PPME1: variants seen among roughly 807,000 people sequenced by gnomAD.
PPME1 encodes the protein testicular secretory protein Li 39.
A neutral mutation model predicts 56.9 loss-of-function variants in PPME1; 17 were observed. The observed-to-expected ratio is 0.30, with a 90% CI of 0.20 to 0.45. The LOEUF (loss-of-function observed/expected upper bound fraction) is 0.45, where lower values mean the gene tolerates loss of function less well. PPME1 is among the 20% of genes least tolerant of loss of function. The pLI is 1.00. For missense variants in PPME1, 357 were observed against 483.2 expected (o/e 0.74, Z 2.45); for synonymous variants, 122 against 156.2 (o/e 0.78, Z 1.63).
chr11:74,185,396 T>C (rs1474180244), intron 1 of PPME1, among the ~76,000 whole-genome samples: 1 of 152,134 alleles, frequency 6.6e-6, no homozygotes, highest in East Asian at 1.9e-4. Flanking sequence ...TTAGAGGCTT[T>C]TATATGAACC....
At chr11:74,172,071 A>G (rs1429111062) in intron 1 of PPME1, among the ~76,000 whole-genome samples, 3 of 152,252 alleles carry the variant, frequency 2.0e-5, no homozygotes, top group South Asian at 4.1e-4. Context: ...AGACGATTCT[A>G]GAGAATTCCC....
At chr11:74,184,719 T>C (rs1305280919) in intron 1 of PPME1, among the ~76,000 whole-genome samples, 1 of 152,204 alleles carries the variant, frequency 6.6e-6, no homozygotes, top group African/African-American at 2.4e-5. Context: ...GATTATTTCA[T>C]AGCCATAGTG....
At chr11:74,247,000 T>C in intron 10 of PPME1, 79 bp from the exon 11 acceptor site, 1 of 1,180,230 alleles carries the variant, frequency 8.5e-7, no homozygotes, top group South Asian at 1.3e-5. Flanking sequence ...AATGTCATCA[T>C]ATTTAAAACT....
chr11:74,246,235 C>T (rs1162719598), intron 10 of PPME1, 30 bp downstream of exon 10: 1 of 1,521,640 alleles, frequency 6.6e-7, no homozygotes. Flanking sequence ...TATTAGTCAG[C>T]TCAGGCTGCC....
At chr11:74,197,028 G>T (rs1858001178) in intron 1 of PPME1, among the ~76,000 whole-genome samples, 1 of 152,116 alleles carries the variant, frequency 6.6e-6, no homozygotes, top group African/African-American at 2.4e-5. Context: ...AAAATGGAGT[G>T]GCCTGGTTCA....
intron 3 of PPME1, among the ~76,000 whole-genome samples, chr11:74,220,778 C>T (rs1002631221): frequency 6.6e-6 from 1 of 152,154 alleles, no homozygotes; most frequent in Non-Finnish European, 1.5e-5. Context: ...TTGGTTAAGT[C>T]TAGTTCTTAA....
chr11:74,235,323 C>T (rs1262703205), intron 7 of PPME1, among the ~76,000 whole-genome samples: 2 of 152,092 alleles, frequency 1.3e-5, no homozygotes, highest in Non-Finnish European at 2.9e-5. Flanking sequence ...GAGAAGCTGG[C>T]GCCTGCCTTC....
rs375079212 is a variant in PPME1, at chr11:74,247,160, C to A, written c.1009+37C>A. On this transcript the variant is annotated intron_variant, in intron 11 of 13. Coordinates refer to ENST00000328257, the MANE Select transcript of PPME1 (RefSeq NM_016147.3). The stretch of plus-strand genomic sequence containing the variant: ...AGAAATTATACCCCTGGACCCTTTT[C>A]TGAAGAAAGGGTGATAGGGCAGTTA... 407 of 1,560,906 alleles carry A rather than the reference C, an allele frequency of 2.6e-4. 4 individuals carry two copies. In the South Asian group the frequency reaches 4.3e-3, roughly 16 times the overall value.
At chr11:74,207,940 T>G (rs112851516) in intron 3 of PPME1, among the ~76,000 whole-genome samples, 4 of 152,348 alleles carry the variant, frequency 2.6e-5, no homozygotes, top group African/African-American at 9.6e-5. Flanking sequence ...TTCTTCTAGT[T>G]AATTCAGTTG....
intron 3 of PPME1, among the ~76,000 whole-genome samples, chr11:74,213,963 G>A (rs528711363): frequency 3.3e-4 from 51 of 152,260 alleles, no homozygotes; most frequent in African/African-American, 1.2e-3. Context: ...AGACTGTCTA[G>A]GAAAACATGA....
intron 1 of PPME1, among the ~76,000 whole-genome samples, chr11:74,190,837 A>G (rs568218027): frequency 2.9e-4 from 44 of 152,364 alleles, no homozygotes; most frequent in African/African-American, 9.6e-4. Flanking sequence ...GAGGTCTCAG[A>G]TGGAAATGAG....
At chr11:74,203,651 A>T (rs1858234939) in intron 1 of PPME1, 77 bp from the exon 2 acceptor site, 3 of 1,051,872 alleles carry the variant, frequency 2.9e-6, no homozygotes, top group Admixed American at 2.1e-5. Flanking sequence ...ACTGACTTAC[A>T]TTTAGCATTT....
intron 1 of PPME1, among the ~76,000 whole-genome samples, chr11:74,201,282 T>G (rs1415130277): frequency 6.6e-6 from 1 of 152,152 alleles, no homozygotes; most frequent in Admixed American, 6.5e-5. Context: ...GCTACAGGCC[T>G]TTTTTGTTTT....
chr11:74,197,833 T>TG (rs931358460), intron 1 of PPME1, among the ~76,000 whole-genome samples: 1 of 152,182 alleles, frequency 6.6e-6, no homozygotes, highest in Non-Finnish European at 1.5e-5. Flanking sequence ...AAAATACATG[T>TG]GCATGCATGA....
intron 3 of PPME1, among the ~76,000 whole-genome samples, chr11:74,217,377 T>A (rs1591046018): frequency 6.6e-6 from 1 of 151,400 alleles, no homozygotes; most frequent in Non-Finnish European, 1.5e-5. Context: ...CCCCGTCTCT[T>A]CTAAAAATAC....
intron 1 of PPME1, among the ~76,000 whole-genome samples, chr11:74,191,032 C>G (rs907111839): frequency 6.6e-6 from 1 of 152,194 alleles, no homozygotes; most frequent in African/African-American, 2.4e-5. Flanking sequence ...TTCTCACAGC[C>G]TGGTATCAGA....
At chr11:74,219,903 G>A (rs956714450) in intron 3 of PPME1, among the ~76,000 whole-genome samples, 1 of 152,050 alleles carries the variant, frequency 6.6e-6, no homozygotes, top group East Asian at 1.9e-4. Context: ...AGCTAAAAGG[G>A]TATAGTTAGA....
At chr11:74,215,986 G>A (rs1186704719) in intron 3 of PPME1, among the ~76,000 whole-genome samples, 1 of 152,192 alleles carries the variant, frequency 6.6e-6, no homozygotes, top group Non-Finnish European at 1.5e-5. Flanking sequence ...CAACACTGGA[G>A]CACCCAAATA....
chr11:74,189,105 A>G (rs1437870888), intron 1 of PPME1, among the ~76,000 whole-genome samples: 2 of 152,196 alleles, frequency 1.3e-5, no homozygotes, highest in Non-Finnish European at 2.9e-5. Context: ...AAAAGATAAC[A>G]TTGGCCAGGT....
Sources: allele counts gnomAD v4.1 joint callset (sites outside exome capture counted in the v4.1 genomes callset), GRCh38; gene constraint gnomAD v4.1.1; transcripts MANE v1.5; gene names NCBI Gene and HGNC (gene_info 2026-07-23, HGNC 2026-07-21).